The following RHOU variants were observed in gnomAD, a reference collection of about 807,000 sequenced individuals.
RHOU encodes the protein ras homolog family member U.
A neutral mutation model predicts 12.6 loss-of-function variants in RHOU; 8 were observed. That is an observed-to-expected ratio of 0.64 (90% CI 0.37 to 1.15). RHOU has a LOEUF of 1.15. Among genes scored for constraint, RHOU ranks in the 50% most tolerant of loss-of-function variants. The pLI is 0.01. For missense variants in RHOU, 258 were observed against 347.0 expected, an observed-to-expected ratio of 0.74 and a Z score of 2.04; for synonymous variants, 161 against 147.4, an observed-to-expected ratio of 1.09 and a Z score of -0.67.
upstream of RHOU, among the ~76,000 whole-genome samples, chr1:228,731,848 G>T (rs900751966): frequency 6.6e-6 from 1 of 152,060 alleles, no homozygotes; most frequent in Non-Finnish European, 1.5e-5. Flanking sequence ...TCTTAAGAAC[G>T]GAAATTCTGC....
the RHOU span, among the ~76,000 whole-genome samples, chr1:228,705,480 C>A: frequency 2.0e-5 from 3 of 152,106 alleles, 1 homozygote; most frequent in South Asian, 6.2e-4. Context: ...GCTCTCAGAT[C>A]CCCTTGATTG....
chr1:228,693,614 G>A, the RHOU span, among the ~76,000 whole-genome samples: 15 of 152,022 alleles, frequency 9.9e-5, no homozygotes, highest in Admixed American at 9.2e-4. Flanking sequence ...CTACAGGCAC[G>A]CGCCACCACG....
At chr1:228,647,288 A>T in the RHOU span, among the ~76,000 whole-genome samples, 2 of 151,862 alleles carry the variant, frequency 1.3e-5, no homozygotes, top group Admixed American at 1.3e-4. Flanking sequence ...TGCTCTTGGT[A>T]CCTCACTGTG....
chr1:228,707,196 CATATATATACAT>C, the RHOU span, among the ~76,000 whole-genome samples: 2,824 of 70,484 alleles, frequency 0.04, 221 homozygotes, highest in African/African-American at 0.16. Context: ...TATATATATA[CATATATATACAT>C]ATATATATAC....
the RHOU span, among the ~76,000 whole-genome samples, chr1:228,673,859 T>A: frequency 6.6e-6 from 1 of 152,264 alleles, no homozygotes; most frequent in Non-Finnish European, 1.5e-5. Flanking sequence ...AAATAGCATA[T>A]GTCTTTTGGA....
chr1:228,713,943 G>T, the RHOU span, among the ~76,000 whole-genome samples: 295 of 151,982 alleles, frequency 1.9e-3, 1 homozygote, highest in Middle Eastern at 0.024. Flanking sequence ...CACACATTTG[G>T]TCATGGAAGT....
chr1:228,739,769 C>A (rs114923829), intron 2 of RHOU, among the ~76,000 whole-genome samples: 1,785 of 152,334 alleles, frequency 0.012, 34 homozygotes, highest in African/African-American at 0.041. Flanking sequence ...CACTGGGCTC[C>A]CCGTAAGTGT....
the RHOU span, among the ~76,000 whole-genome samples, chr1:228,716,656 T>G: frequency 6.6e-6 from 1 of 152,036 alleles, no homozygotes; most frequent in Non-Finnish European, 1.5e-5. Flanking sequence ...TGACATTCAG[T>G]AAGTATATAT....
upstream of RHOU, among the ~76,000 whole-genome samples, chr1:228,731,189 A>T (rs1464115840): frequency 3.9e-5 from 6 of 152,222 alleles, no homozygotes; most frequent in African/African-American, 1.4e-4. Context: ...TAGGTGTTGT[A>T]TAATCAGTAG....
the RHOU span, chr1:228,650,268 G>C: frequency 4.3e-6 from 2 of 461,036 alleles, no homozygotes; most frequent in Non-Finnish European, 8.7e-6. Context: ...GGTCGCTGGC[G>C]CCAGTGTGCA....
At chr1:228,687,791 C>A in the RHOU span, 1 of 1,340,846 alleles carries the variant, frequency 7.5e-7, no homozygotes, top group Non-Finnish European at 1.1e-6. Flanking sequence ...ACCTCTTAGA[C>A]AAGCACACCC....
the RHOU span, among the ~76,000 whole-genome samples, chr1:228,668,378 T>G: frequency 6.6e-6 from 1 of 152,174 alleles, no homozygotes; most frequent in Non-Finnish European, 1.5e-5. Context: ...TATAGCCAGT[T>G]GATGAGAAGG....
chr1:228,694,339 T>A, the RHOU span, among the ~76,000 whole-genome samples: 1 of 152,222 alleles, frequency 6.6e-6, no homozygotes, highest in Admixed American at 6.5e-5. Context: ...AACTTTTATT[T>A]TAATTCTGGG....
Position 228,735,735 on chromosome 1 carries a change from G to C in RHOU, c.-8G>C, listed in dbSNP as rs925691432. On this transcript the variant is annotated 5_prime_UTR_variant, in exon 1 of 3. Transcript: ENST00000366691. The surrounding 1 kb of genome is among the most constrained non-coding windows in gnomAD (Gnocchi z 8.1). ...AGCCCGCGACCGCAAGCCCGCGCTC[G>C]CGGATCGATGCCCCCGCAGCAGGGG... The C allele has an allele frequency of 1.0e-5, 12 of 1,204,068 alleles. No homozygotes were observed. Among genetic ancestry groups the C allele is most frequent in the Non-Finnish European group, 1.1e-5 (11 of 970,380 alleles). The allele number at this position is 1,204,068 out of a possible 1,614,324, so 74.6% of individuals were successfully genotyped here.
At chr1:228,713,937 C>G in the RHOU span, among the ~76,000 whole-genome samples, 1 of 151,942 alleles carries the variant, frequency 6.6e-6, no homozygotes, top group Non-Finnish European at 1.5e-5. Context: ...AATCCCCACA[C>G]ATTTGGTCAT....
chr1:228,650,033 C>T, the RHOU span: 2 of 373,076 alleles, frequency 5.4e-6, no homozygotes, highest in Non-Finnish European at 1.0e-5. Context: ...TTTTTGTTAT[C>T]CACAGTTATT....
the RHOU span, chr1:228,651,349 G>A: frequency 1.1e-4 from 17 of 160,794 alleles, no homozygotes; most frequent in African/African-American, 2.4e-4. Context: ...AGCTCAGCAG[G>A]AGCCCTGTGG....
the RHOU span, among the ~76,000 whole-genome samples, chr1:228,708,675 G>A: frequency 1.3e-5 from 2 of 151,800 alleles, no homozygotes; most frequent in Non-Finnish European, 2.9e-5. Context: ...ACATGGAAAG[G>A]AACAACCGGT....
At chr1:228,685,605 G>T in the RHOU span, among the ~76,000 whole-genome samples, 1 of 152,188 alleles carries the variant, frequency 6.6e-6, no homozygotes, top group East Asian at 1.9e-4. Context: ...ACTGCTCTGA[G>T]AATTTACTGG....
Sources: gnomAD v4.1 joint callset for allele counts (sites outside exome capture counted in the v4.1 genomes callset) on GRCh38, gnomAD v4.1.1 for gene constraint, Gnocchi (gnomAD v3.1) non-coding constraint, MANE v1.5 for transcripts, NCBI Gene and HGNC (gene_info 2026-07-23, HGNC 2026-07-21) for gene names.